Variants in DGKZ observed in about 807,000 individuals in gnomAD.
DGKZ encodes the protein diacylglycerol kinase zeta.
Under a neutral mutation model 142.5 loss-of-function variants are expected in DGKZ, and 45 were observed. The ratio of observed to expected loss-of-function variants is 0.32; its 90% CI spans 0.25 to 0.40. The LOEUF (loss-of-function observed/expected upper bound fraction) is 0.40, where lower values mean the gene tolerates loss of function less well. Among genes scored for constraint, DGKZ ranks in the 10% least tolerant of loss-of-function variants. The pLI is 1.00. For synonymous variants in DGKZ, 442 were observed against 527.0 expected (o/e 0.84, Z 2.21); for missense variants, 755 against 1,306.5 (o/e 0.58, Z 6.51).
At chr11:46,365,207 G>A in intron 1 of DGKZ, 1 of 985,424 alleles carries the variant, frequency 1.0e-6, no homozygotes, top group Non-Finnish European at 1.2e-6. Flanking sequence ...CTGCAGGAGG[G>A]AGCTCTGGGC....
intron 4 of DGKZ, 100 bp from the exon 5 acceptor site, chr11:46,369,394 C>A: frequency 6.9e-7 from 1 of 1,446,616 alleles, no homozygotes. Context: ...GGTATCCCCA[C>A]CTTGTGAGGA....
At chr11:46,358,913 C>A (rs768921022) in intron 1 of DGKZ, among the ~76,000 whole-genome samples, 8 of 152,042 alleles carry the variant, frequency 5.3e-5, no homozygotes, top group Non-Finnish European at 1.0e-4. Context: ...GAGGCTGAGG[C>A]GGGCAGATCA....
chr11:46,362,764 C>T (rs952575276), intron 1 of DGKZ, among the ~76,000 whole-genome samples: 3 of 152,198 alleles, frequency 2.0e-5, no homozygotes, highest in Non-Finnish European at 4.4e-5. Context: ...CTGTCCGCTC[C>T]AGCTGTAGCT....
At chr11:46,336,891 T>G (rs1183706513) in intron 1 of DGKZ, among the ~76,000 whole-genome samples, 1 of 152,092 alleles carries the variant, frequency 6.6e-6, no homozygotes, top group Admixed American at 6.5e-5. Context: ...CGTGGTTGCA[T>G]GCGTCTGTAG....
rs540082908 is a variant in DGKZ at position 46,373,283 on chromosome 11, T to G, written c.1326+182T>G. 5.4e-5 allele frequency among the ~76,000 whole-genome samples: 8 copies of G among 148,872 alleles called. No homozygotes were observed. The South Asian group carries it at 8.3e-4, about 16-fold the overall frequency. On this transcript the variant is annotated intron_variant, in intron 14 of 30. Transcript: ENST00000527911. ...ATGCTGTTTTTTCTGTGTTTTTTTT[T>G]TGTTTTTTTTTTTTTTTTTTTGAGA...
chr11:46,378,087 C>A, intron 25 of DGKZ, 111 bp from the exon 26 acceptor site: 2 of 1,355,664 alleles, frequency 1.5e-6, no homozygotes, highest in Non-Finnish European at 1.0e-6. Context: ...TGGTGTGTAG[C>A]AGGCACTCAA....
chr11:46,351,691 A>G (rs1276538506), intron 1 of DGKZ, among the ~76,000 whole-genome samples: 2 of 152,196 alleles, frequency 1.3e-5, no homozygotes, highest in Admixed American at 6.5e-5. Flanking sequence ...GGGACAACCT[A>G]GAATCCTTGG....
chr11:46,374,120 G>A (rs762505791), intron 14 of DGKZ, 37 bp from the exon 15 acceptor site: 1 of 1,610,758 alleles, frequency 6.2e-7, no homozygotes, highest in South Asian at 1.1e-5. Context: ...CATTTGTGAG[G>A]CCCAGCCCTC....
chr11:46,346,073 G>C (rs942839473), upstream of DGKZ, among the ~76,000 whole-genome samples: 2 of 152,160 alleles, frequency 1.3e-5, no homozygotes, highest in African/African-American at 2.4e-5. Context: ...TGGAGGGCTG[G>C]AGCCCCACCT....
chr11:46,342,025 T>C (rs1208521526), intron 1 of DGKZ, among the ~76,000 whole-genome samples: 1 of 152,140 alleles, frequency 6.6e-6, no homozygotes, highest in Non-Finnish European at 1.5e-5. Flanking sequence ...GTTGAGTGTT[T>C]GTTGCCCTGG....
chr11:46,366,132 G>T, intron 1 of DGKZ: 2 of 1,399,134 alleles, frequency 1.4e-6, no homozygotes, highest in Non-Finnish European at 1.8e-6. Context: ...CTGTGAATGG[G>T]CTCCTGGTTG....
At chr11:46,369,290 A>T in intron 4 of DGKZ, 1 of 651,656 alleles carries the variant, frequency 1.5e-6, no homozygotes, top group South Asian at 1.7e-5. Flanking sequence ...GGAAGAAGGA[A>T]AGATCCCTCT....
chr11:46,364,844 TG>T lies in DGKZ; in HGVS notation c.162-2446del, dbSNP rs554451468. 7.9e-3 allele frequency: 7,813 copies of T among 985,350 alleles called. 42 individuals carry two copies. The highest frequency in any genetic ancestry group is 0.021 in the South Asian group (453 of 21,288). 61.0% of individuals were successfully genotyped at this position (985,350 alleles called of 1,614,324 possible). A position where few individuals can be genotyped will look rare whatever the true frequency, so the allele number is the denominator to read the frequency against. The stretch of plus-strand genomic sequence containing the variant: ...CTTCAGGGGACCACAGGGCTTCTTC[TG>T]TCAGCCCCAGGCAGCACTGTCCCAG... On this transcript the variant is annotated intron_variant, in intron 1 of 30. Transcript: ENST00000527911.
chr11:46,360,882 G>T (rs985217183), intron 1 of DGKZ, among the ~76,000 whole-genome samples: 1 of 152,160 alleles, frequency 6.6e-6, no homozygotes, highest in Non-Finnish European at 1.5e-5. Flanking sequence ...CTGGGAGTTG[G>T]GGGGGTGGCA....
At position 46,371,300 on chromosome 11, in the gene DGKZ, T is replaced by C; in HGVS notation, c.571-13T>C. 1 of 1,613,228 alleles carries C rather than the reference T, an allele frequency of 6.2e-7. No homozygotes were observed. Among genetic ancestry groups the C allele is most frequent in the Non-Finnish European group, 8.5e-7 (1 of 1,179,624 alleles). On this transcript the variant is annotated splice_polypyrimidine_tract_variant and intron_variant, in intron 6 of 30. Coordinates refer to ENST00000527911, the Ensembl canonical transcript of DGKZ. ...CGCCTGCCCTGGTTCCCATCCATCC[T>C]GTCTACCCTCAGGGATTCCAGCAGA...
rs1945003447 is a variant in DGKZ at position 46,379,713 on chromosome 11, G to A, written c.2689-118G>A. 3.9e-6 allele frequency: 5 copies of A among 1,278,200 alleles called. No homozygotes were observed. In the South Asian group the frequency reaches 7.5e-5, roughly 19 times the overall value. 79.2% of individuals were successfully genotyped at this position (1,278,200 alleles called of 1,614,324 possible). A position where few individuals can be genotyped will look rare whatever the true frequency, so the allele number is the denominator to read the frequency against. ...CTGAGCCAGCAGGGGAGGAGCTGGT[G>A]GGCAGAGAGGCCTCCCTCCCTGACC... On this transcript the variant is annotated intron_variant, in intron 30 of 30. Coordinates refer to ENST00000527911, the Ensembl canonical transcript of DGKZ.
chr11:46,374,661 G>A (rs1450375896), exon 17 of DGKZ: 2 of 1,594,860 alleles, frequency 1.3e-6, no homozygotes, highest in Non-Finnish European at 8.6e-7. Context: ...GCACATCCGA[G>A]TGGTGGTGAG....
Position 46,372,785 on chromosome 11 carries a change from C to T in DGKZ, c.1086C>T (p.Leu362=), listed in dbSNP as rs1359530772. 3.1e-6 allele frequency: 5 copies of T among 1,605,828 alleles called. No individual in the cohort carries two copies. Among genetic ancestry groups the T allele is most frequent in the African/African-American group, 1.3e-5 (1 of 74,660 alleles). The change falls in exon 13 of 31, where the codon CTC becomes CTT. Residue 362 remains leucine, a synonymous_variant. Transcript: ENST00000527911. This position sits in a 1 kb window ranked among gnomAD's most constrained non-coding sequence, Gnocchi z 5.9. ...TCCTCCCCCAGGTGGGCTGGATCCT[C>T]TCCACCCTGGACCAGCTACGCCTGA... is the stretch of plus-strand genomic sequence containing the variant.
chr11:46,370,902 G>A (rs1943872781), intron 6 of DGKZ, among the ~76,000 whole-genome samples: 1 of 152,078 alleles, frequency 6.6e-6, no homozygotes, highest in Non-Finnish European at 1.5e-5. Flanking sequence ...TGGCTAACAT[G>A]GTGAAACCCT....
Sources: gnomAD v4.1 joint callset for allele counts (sites outside exome capture counted in the v4.1 genomes callset) on GRCh38, gnomAD v4.1.1 for gene constraint, Gnocchi (gnomAD v3.1) non-coding constraint, MANE v1.5 for transcripts, NCBI Gene and HGNC (gene_info 2026-07-23, HGNC 2026-07-21) for gene names.